ANK2: variants seen among roughly 807,000 people sequenced by gnomAD.
ANK2 encodes ankyrin-2.
Under a neutral mutation model 360.5 loss-of-function variants are expected in ANK2, and 83 were observed. That is an observed-to-expected ratio of 0.23 (90% CI 0.19 to 0.28). The LOEUF is 0.28. Ranked by LOEUF, ANK2 falls within the 10% of genes least tolerant of loss-of-function variation. The pLI is 1.00. For missense variants in ANK2, 4,201 were observed against 4,795.7 expected, an observed-to-expected ratio of 0.88 and a Z score of 3.66; for synonymous variants, 1,740 against 1,759.5, an observed-to-expected ratio of 0.99 and a Z score of 0.28.
intron 1 of ANK2, among the ~76,000 whole-genome samples, chr4:113,072,953 CTTTTT>C (rs77468290): frequency 1.7e-5 from 1 of 59,408 alleles, no homozygotes; most frequent in Non-Finnish European, 3.0e-5. Flanking sequence ...AGGACAGTGT[CTTTTT>C]TTTTTTTTTT....
At position 113,262,538 on chromosome 4, in the gene ANK2, T is replaced by C. The variant is rs148702646; in HGVS notation, c.1387-2359T>C. Reference sequence around the variant, plus strand: ...AGCCACTGCAACTGGTCTTGTTTTGTTTTGTTTGAATACCATCGGCCCTCT... The same window carrying C: ...AGCCACTGCAACTGGTCTTGTTTTGCTTTGTTTGAATACCATCGGCCCTCT... On this transcript the variant is annotated intron_variant, in intron 13 of 45. Coordinates refer to ENST00000357077, the MANE Select transcript of ANK2 (RefSeq NM_001148.6). Among the ~76,000 whole-genome samples, 164 of 152,266 alleles carry C rather than the reference T, an allele frequency of 1.1e-3. 1 individual carries two copies. The highest frequency in any genetic ancestry group is 3.7e-3 in the African/African-American group (155 of 41,562).
chr4:113,146,132 A>G (rs2096826489), intron 1 of ANK2: 1 of 998,214 alleles, frequency 1.0e-6, no homozygotes, highest in Admixed American at 3.2e-5. Flanking sequence ...TGATCAAACC[A>G]CCTGACTACC....
the ANK2 span, among the ~76,000 whole-genome samples, chr4:112,725,211 G>T: frequency 6.7e-6 from 1 of 149,492 alleles, no homozygotes; most frequent in Non-Finnish European, 1.5e-5. Flanking sequence ...GAACCCAGGA[G>T]GTGGAGGTTG....
In ANK2 at chr4:113,270,408, T is replaced by C. The variant is rs142490112; in HGVS notation, c.1486-4044T>C. ...AAAGCACCACTGGCAACAGAGTCTT[T>C]CCTTTAAAATATTAATTAATTAGTT... On this transcript the variant is annotated intron_variant, in intron 14 of 45. Coordinates refer to ENST00000357077, the MANE Select transcript of ANK2 (RefSeq NM_001148.6). 1.3e-3 allele frequency among the ~76,000 whole-genome samples: 195 copies of C among 152,322 alleles called. 3 individuals are homozygous for C. The East Asian group carries it at 0.035, about 27-fold the overall frequency.
At chr4:112,979,957 T>G (rs1050016309) in intron 2 of ANK2, 1 of 152,226 alleles carries the variant, frequency 6.6e-6, no homozygotes, top group African/African-American at 2.4e-5. Flanking sequence ...AGCCCCTCCC[T>G]GGCTTGAAGG....
intron 7 of ANK2, among the ~76,000 whole-genome samples, chr4:113,239,358 G>A (rs2099407399): frequency 1.3e-5 from 2 of 151,990 alleles, no homozygotes; most frequent in Non-Finnish European, 2.9e-5. Context: ...AGCCACCAAA[G>A]CCTATAGATC....
intron 1 of ANK2, among the ~76,000 whole-genome samples, chr4:112,872,807 T>C (rs1015153067): frequency 7.2e-5 from 11 of 152,356 alleles, no homozygotes; most frequent in African/African-American, 2.6e-4. Flanking sequence ...ATTTAAGCAT[T>C]TGGCAGAATT....
intron 1 of ANK2, among the ~76,000 whole-genome samples, chr4:112,899,208 T>C (rs2082586593): frequency 6.6e-6 from 1 of 152,192 alleles, no homozygotes; most frequent in Admixed American, 6.5e-5. Context: ...GTTAGGAAAG[T>C]AACTTCTTTA....
At chr4:113,051,890 A>G (rs1369799788) in intron 1 of ANK2, among the ~76,000 whole-genome samples, 1 of 152,212 alleles carries the variant, frequency 6.6e-6, no homozygotes. Flanking sequence ...AGTCAATGGC[A>G]ATAACTTTCA....
At chr4:112,774,074 C>T in the ANK2 span, among the ~76,000 whole-genome samples, 4 of 151,980 alleles carry the variant, frequency 2.6e-5, no homozygotes, top group African/African-American at 9.7e-5. Flanking sequence ...ACTAGGATTA[C>T]AGGCTTGAGC....
chr4:113,169,268 G>A (rs939984237), intron 1 of ANK2, among the ~76,000 whole-genome samples: 6 of 151,958 alleles, frequency 3.9e-5, no homozygotes, highest in African/African-American at 1.5e-4. Context: ...ACCCAAGATC[G>A]GACAAGTCAC....
chr4:113,319,135 C>T lies in ANK2; in HGVS notation c.2900+515C>T, dbSNP rs568833993. Among the ~76,000 whole-genome samples the T allele has an allele frequency of 1.8e-4, 28 of 152,178 alleles. No homozygotes were observed. In the South Asian group the frequency reaches 4.6e-3, roughly 25 times the overall value. ...GATATAAACAAAAAGGGAATTTGAA[C>T]GCAATCAGTCAGGTTCTCAGTTATC... is the stretch of plus-strand genomic sequence containing the variant. On this transcript the variant is annotated intron_variant, in intron 26 of 45. Transcript: ENST00000357077.
chr4:113,356,861 A>G lies in ANK2; in HGVS notation c.8243A>G (p.His2748Arg). ...DSESHLAEDR[H>R]AVSTEAEDRS... The stretch of plus-strand genomic sequence containing the variant: ...GAATCCCATTTAGCTGAAGACCGTC[A>G]TGCTGTTTCCACTGAGGCTGAAGAC... Residue 2748 changes from histidine to arginine, a missense_variant, in exon 38 of 46, where the codon CAT becomes CGT. His to Arg is a conservative substitution (Grantham distance 29). Transcript: ENST00000357077. 2 of 1,614,076 alleles carry G rather than the reference A, an allele frequency of 1.2e-6. No individual in the cohort carries two copies. The highest frequency in any genetic ancestry group is 1.7e-6 in the Non-Finnish European group (2 of 1,179,982).
At chr4:113,244,730 C>G (rs1053194475) in intron 9 of ANK2, among the ~76,000 whole-genome samples, 1 of 152,146 alleles carries the variant, frequency 6.6e-6, no homozygotes, top group Non-Finnish European at 1.5e-5. Context: ...AACCTGTCAT[C>G]TACAATAGGT....
chr4:112,791,668 T>C, the ANK2 span, among the ~76,000 whole-genome samples: 5 of 151,894 alleles, frequency 3.3e-5, no homozygotes, highest in East Asian at 9.8e-4. Context: ...TTTTTTTGTA[T>C]TTTTAGTAGA....
At chr4:113,036,900 C>T (rs1283058515) in intron 2 of ANK2, among the ~76,000 whole-genome samples, 1 of 151,828 alleles carries the variant, frequency 6.6e-6, no homozygotes. Flanking sequence ...ACTTATTGCC[C>T]ACTATAAAAG....
intron 2 of ANK2, among the ~76,000 whole-genome samples, chr4:113,033,261 A>G (rs1579541075): frequency 6.6e-6 from 1 of 152,044 alleles, no homozygotes; most frequent in Admixed American, 6.6e-5. Context: ...AGTCTTAACT[A>G]TAGTGTAACC....
chr4:112,827,361 A>T, intron 1 of ANK2: 1 of 1,337,574 alleles, frequency 7.5e-7, no homozygotes, highest in Non-Finnish European at 1.1e-6. Flanking sequence ...TTGAACAGAT[A>T]CAGCATAGAG....
At chr4:113,020,383 A>G (rs565263363) in intron 2 of ANK2, among the ~76,000 whole-genome samples, 1 of 152,032 alleles carries the variant, frequency 6.6e-6, no homozygotes, top group African/African-American at 2.4e-5. Flanking sequence ...TTTTGTAGAG[A>G]CAGGGTCTCG....
Sources: allele counts gnomAD v4.1 joint callset (sites outside exome capture counted in the v4.1 genomes callset), GRCh38; gene constraint gnomAD v4.1.1; transcripts MANE v1.5; gene names NCBI Gene and HGNC (gene_info 2026-07-23, HGNC 2026-07-21).